Variants in DACH2 observed in about 807,000 individuals in gnomAD.
DACH2 encodes dachshund family transcription factor 2.
Under a neutral mutation model 35.8 loss-of-function variants are expected in DACH2, and 17 were observed. That is an observed-to-expected ratio of 0.48 (90% CI 0.33 to 0.71). The LOEUF (loss-of-function observed/expected upper bound fraction) is 0.71, where lower values mean the gene tolerates loss of function less well. Among genes scored for constraint, DACH2 ranks in the 30% least tolerant of loss-of-function variants. The pLI, the probability that DACH2 is intolerant of heterozygous loss-of-function variation, is 0.02. For missense variants in DACH2, 469 were observed against 472.7 expected, an observed-to-expected ratio of 0.99 and a Z score of 0.07; for synonymous variants, 195 against 177.3, an observed-to-expected ratio of 1.10 and a Z score of -0.79.
intron 1 of DACH2, among the ~76,000 whole-genome samples, chrX:86,277,805 G>A (rs770160783): frequency 4.5e-5 from 5 of 111,841 alleles, no homozygotes; most frequent in South Asian, 3.8e-4. Context: ...AGAACTCAAC[G>A]TCCACCATTC....
intron 9 of DACH2, among the ~76,000 whole-genome samples, chrX:86,814,433 C>A (rs1004072459): frequency 3.6e-5 from 4 of 111,456 alleles, no homozygotes; most frequent in Non-Finnish European, 5.6e-5. Flanking sequence ...CATACAAATG[C>A]ATGTGTATTA....
intron 7 of DACH2, among the ~76,000 whole-genome samples, chrX:86,758,570 T>A (rs963501562): frequency 2.4e-4 from 27 of 112,296 alleles, no homozygotes; most frequent in African/African-American, 8.1e-4. Context: ...TCAGTTTTAA[T>A]CCATTGTGGT....
At chrX:86,252,002 T>C (rs1040169689) in intron 1 of DACH2, among the ~76,000 whole-genome samples, 10 of 111,367 alleles carry the variant, frequency 9.0e-5, no homozygotes, top group African/African-American at 3.3e-4. Flanking sequence ...TGCCAATATC[T>C]ATTTATTATT....
chrX:86,392,981 G>T (rs1039461685), intron 2 of DACH2, among the ~76,000 whole-genome samples: 5 of 110,564 alleles, frequency 4.5e-5, no homozygotes, highest in Non-Finnish European at 9.5e-5. Flanking sequence ...GTGGGTAGCA[G>T]TCAGGAATGC....
At chrX:86,555,651 A>T (rs2039108029) in intron 3 of DACH2, among the ~76,000 whole-genome samples, 1 of 111,681 alleles carries the variant, frequency 9.0e-6, no homozygotes, top group Non-Finnish European at 1.9e-5. Flanking sequence ...GGGTATCGGC[A>T]CGTTATGTCT....
At chrX:86,511,203 C>T (rs1049031672) in intron 2 of DACH2, among the ~76,000 whole-genome samples, 17 of 111,523 alleles carry the variant, frequency 1.5e-4, no homozygotes, top group East Asian at 2.8e-4. Context: ...AATCTTTCAT[C>T]GTGTTGTCAG....
intron 3 of DACH2, among the ~76,000 whole-genome samples, chrX:86,532,105 C>T (rs2206046): frequency 0.14 from 15,811 of 112,261 alleles, 955 homozygotes; most frequent in East Asian, 0.24. Context: ...CATGCCTGTT[C>T]CCCCATTGTA....
chrX:86,810,261 C>A (rs1442101253), intron 7 of DACH2, among the ~76,000 whole-genome samples: 1 of 111,549 alleles, frequency 9.0e-6, no homozygotes, highest in Non-Finnish European at 1.9e-5. Flanking sequence ...GAATGTATTG[C>A]TTTCCTTTTC....
intron 3 of DACH2, among the ~76,000 whole-genome samples, chrX:86,572,902 G>T (rs761060853): frequency 1.8e-5 from 2 of 111,364 alleles, no homozygotes; most frequent in Non-Finnish European, 3.8e-5. Context: ...CCACCACTCT[G>T]TGCCCCATTA....
chrX:86,815,052 A>C (rs11797054), intron 10 of DACH2, among the ~76,000 whole-genome samples: 4 of 110,846 alleles, frequency 3.6e-5, no homozygotes, highest in African/African-American at 1.3e-4. Flanking sequence ...GTTCAGGAGA[A>C]ACAAATAGCC....
intron 6 of DACH2, among the ~76,000 whole-genome samples, chrX:86,725,101 T>A (rs1261738772): frequency 9.0e-6 from 1 of 111,151 alleles, no homozygotes; most frequent in Non-Finnish European, 1.9e-5. Context: ...CTCCAATTTA[T>A]TTGCATTTGT....
intron 3 of DACH2, among the ~76,000 whole-genome samples, chrX:86,639,816 G>T (rs2040323841): frequency 9.0e-6 from 1 of 111,363 alleles, no homozygotes; most frequent in Non-Finnish European, 1.9e-5. Flanking sequence ...GGATCCTCAA[G>T]CATAGCACAG....
chrX:86,506,337 C>G (rs955255968), intron 2 of DACH2, among the ~76,000 whole-genome samples: 21 of 111,584 alleles, frequency 1.9e-4, no homozygotes, highest in Admixed American at 1.4e-3. Context: ...TTGTTGTGGC[C>G]CCCTCCATCT....
At chrX:86,437,768 G>A (rs991614027) in intron 2 of DACH2, among the ~76,000 whole-genome samples, 7 of 110,006 alleles carry the variant, frequency 6.4e-5, no homozygotes, top group Non-Finnish European at 1.3e-4. Flanking sequence ...TTGCTACACC[G>A]GTTTCTTTTC....
chrX:86,771,041 A>G (rs2041983923), intron 7 of DACH2, among the ~76,000 whole-genome samples: 2 of 113,324 alleles, frequency 1.8e-5, no homozygotes, highest in African/African-American at 3.2e-5. Flanking sequence ...GTAAACAAAA[A>G]TATTCATATC....
rs929024441 is a variant in DACH2 at position 86,318,990 on chromosome X, G to T, written c.489-57834G>T. On this transcript the variant is annotated intron_variant, in intron 1 of 11. Coordinates refer to ENST00000373125, the MANE Select transcript of DACH2 (RefSeq NM_053281.3). ...TTAGATTTTACCCTTGCATTAATTT[G>T]CTATTAATGTTAAACCTAATTTTTT... Among the ~76,000 whole-genome samples the T allele has an allele frequency of 3.6e-5, 4 of 112,035 alleles. No homozygotes were observed. In the East Asian group the frequency reaches 1.1e-3, roughly 31 times the overall value.
intron 1 of DACH2, among the ~76,000 whole-genome samples, chrX:86,279,501 A>G (rs866196358): frequency 9.0e-6 from 1 of 111,507 alleles, no homozygotes; most frequent in Admixed American, 9.5e-5. Context: ...GACGCAAAGG[A>G]CGTCCACACA....
At chrX:86,411,461 T>C (rs1391760418) in intron 2 of DACH2, among the ~76,000 whole-genome samples, 1 of 110,720 alleles carries the variant, frequency 9.0e-6, no homozygotes, top group Non-Finnish European at 1.9e-5. Context: ...CTTGAACCCA[T>C]ACACATCTTC....
At chrX:86,542,487 C>A (rs1435616120) in intron 3 of DACH2, among the ~76,000 whole-genome samples, 1 of 111,501 alleles carries the variant, frequency 9.0e-6, no homozygotes, top group Non-Finnish European at 1.9e-5. Context: ...TCTGTTACAC[C>A]TTTGATCTCC....
Sources: gnomAD v4.1 joint callset for allele counts (sites outside exome capture counted in the v4.1 genomes callset) on GRCh38, gnomAD v4.1.1 for gene constraint, MANE v1.5 for transcripts, NCBI Gene and HGNC (gene_info 2026-07-23, HGNC 2026-07-21) for gene names.